COPB1: variants seen among roughly 807,000 people sequenced by gnomAD.
COPB1 encodes coat protein complex I subunit beta 1, also known as coatomer subunit beta.
In COPB1, 21 loss-of-function variants were observed where a neutral mutation model predicts 108.7. The observed-to-expected ratio is 0.19, with a 90% CI of 0.14 to 0.28. COPB1 has a LOEUF of 0.28. COPB1 is among the 10% of genes least tolerant of loss of function. The pLI, the probability that COPB1 is intolerant of heterozygous loss-of-function variation, is 1.00. For missense variants in COPB1, 919 were observed against 1,141.3 expected (o/e 0.81, Z 2.81); for synonymous variants, 378 against 386.8 (o/e 0.98, Z 0.27).
Position 14,480,843 on chromosome 11 carries a change from A to G in COPB1, c.1128T>C (p.Thr376=), listed in dbSNP as rs1850645598. The change falls in exon 10 of 22, where the codon ACT becomes ACC. Residue 376 remains threonine (T), a synonymous_variant. Transcript: ENST00000439561. ...GCACTAGGAGTTGTCTGTATTTGTCAGTATCTTCATGCTCAGACACATTAT... is the reference window on the plus strand; with the variant it reads ...GCACTAGGAGTTGTCTGTATTTGTCGGTATCTTCATGCTCAGACACATTAT... ...KTNNVSEHED[T]DKYRQLLVRT... 6.8e-6 allele frequency: 11 copies of G among 1,613,796 alleles called. No homozygotes were observed. Among genetic ancestry groups the G allele is most frequent in the Non-Finnish European group, 9.3e-6 (11 of 1,179,780 alleles).
At chr11:14,461,366 T>G in intron 18 of COPB1, 35 bp from the exon 19 acceptor site, 1 of 1,600,372 alleles carries the variant, frequency 6.2e-7, no homozygotes, top group Non-Finnish European at 8.5e-7. Context: ...TCGCAATCAC[T>G]GGGGCAAACT....
intron 16 of COPB1, among the ~76,000 whole-genome samples, chr11:14,466,818 C>G (rs1210859712): frequency 6.6e-6 from 1 of 152,152 alleles, no homozygotes; most frequent in Non-Finnish European, 1.5e-5. Flanking sequence ...TCTAAACTCA[C>G]TACTTGATCT....
intron 14 of COPB1, 138 bp downstream of exon 14, chr11:14,474,357 G>A (rs1850470705): frequency 1.5e-6 from 1 of 669,058 alleles, no homozygotes; most frequent in Non-Finnish European, 2.4e-6. Context: ...ATATATTACT[G>A]TGTCCACTTC....
At chr11:14,476,784 AT>A in intron 12 of COPB1, 134 bp downstream of exon 12, 1 of 507,038 alleles carries the variant, frequency 2.0e-6, no homozygotes, top group Non-Finnish European at 3.4e-6. Flanking sequence ...TTTTTTTTTA[AT>A]AAACACAGAA....
chr11:14,493,259 A>G (rs1186379258), intron 4 of COPB1, among the ~76,000 whole-genome samples: 1 of 152,244 alleles, frequency 6.6e-6, no homozygotes, highest in Non-Finnish European at 1.5e-5. Context: ...AGCTTCTGAC[A>G]GTAAAAAGAC....
Position 14,486,378 on chromosome 11 carries a change from T to G in COPB1, c.826A>C (p.Thr276Pro). Residue 276 changes from threonine to proline, a missense_variant, in exon 7 of 22, where the codon ACT (threonine) becomes CCT (proline). Transcript: ENST00000439561. ...GTLVTLSSAP[T>P]AIKAAAQCYI... is the part of the protein sequence containing the mutation. ...GAAATACACAGTACCTTGATTGCAG[T>G]TGGTGCACTAGAGAGTGTCACTAAT... 6.2e-7 allele frequency: 1 copy of G among 1,614,122 alleles called. No homozygotes were observed. Among genetic ancestry groups the G allele is most frequent in the Non-Finnish European group, 8.5e-7 (1 of 1,179,990 alleles).
rs781273804 is a variant in COPB1 at position 14,493,698 on chromosome 11, C to A, written c.435G>T (p.Glu145Asp). The A allele has an allele frequency of 1.2e-6, 2 of 1,613,500 alleles. No homozygotes were observed. The highest frequency in any genetic ancestry group is 1.7e-6 in the Non-Finnish European group (2 of 1,179,858). The change falls in exon 4 of 22, where the codon GAG becomes GAT. Residue 145 changes from glutamate to aspartate, a missense_variant. Physicochemically the swap from Glu to Asp is conservative, Grantham distance 45. This residue lies in a region of COPB1 where 78 missense variants were observed against 95.4 expected (regional missense o/e 0.82). Coordinates refer to ENST00000439561, the MANE Select transcript of COPB1 (RefSeq NM_001144061.2). Reference sequence around the variant, plus strand: ...TTCTTCTAACATAGCTGTGTCGATGCTCCAAACATGCACGAATAGCTGGCA... The same window carrying A: ...TTCTTCTAACATAGCTGTGTCGATGATCCAAACATGCACGAATAGCTGGCA... ...PLMPAIRACLEHRHSYVRRNA... is the reference protein window; with the variant it reads ...PLMPAIRACLDHRHSYVRRNA...
intron 2 of COPB1, among the ~76,000 whole-genome samples, chr11:14,495,106 T>G (rs541030566): frequency 1.3e-5 from 2 of 152,362 alleles, no homozygotes; most frequent in Admixed American, 6.5e-5. Flanking sequence ...AATGCTAGTT[T>G]ACTGTTATTT....
Position 14,498,929 on chromosome 11 carries a change from G to A in COPB1, c.-1C>T. The A allele has an allele frequency of 6.2e-7, 1 of 1,604,082 alleles. No homozygotes were observed. Among genetic ancestry groups the A allele is most frequent in the South Asian group, 1.1e-5 (1 of 88,064 alleles). On this transcript the variant is annotated 5_prime_UTR_variant, in exon 2 of 22. Coordinates refer to ENST00000439561, the MANE Select transcript of COPB1 (RefSeq NM_001144061.2). ...AGCATACGTTCTCAGCCGCCGTCAT[G>A]GTTTCTGGTTATATTATAACCAATC...
intron 2 of COPB1, among the ~76,000 whole-genome samples, chr11:14,497,813 G>A (rs574938452): frequency 6.6e-6 from 1 of 152,244 alleles, no homozygotes; most frequent in South Asian, 2.1e-4. Flanking sequence ...ACAGATAAAT[G>A]TATAAAGAAA....
intron 17 of COPB1, among the ~76,000 whole-genome samples, chr11:14,465,591 C>T (rs1850266195): frequency 6.6e-6 from 1 of 152,140 alleles, no homozygotes; most frequent in Non-Finnish European, 1.5e-5. Context: ...CTATATACTT[C>T]ATTATGAAGA....
intron 7 of COPB1, among the ~76,000 whole-genome samples, chr11:14,483,465 A>C (rs1028382244): frequency 6.6e-6 from 1 of 152,182 alleles, no homozygotes; most frequent in Admixed American, 6.5e-5. Context: ...GGTTAAAACT[A>C]AGGAACAAGC....
intron 14 of COPB1, among the ~76,000 whole-genome samples, chr11:14,470,960 C>T (rs1313277781): frequency 1.1e-5 from 1 of 93,066 alleles, no homozygotes; most frequent in Non-Finnish European, 2.0e-5. Flanking sequence ...TCTCTCTCTA[C>T]ACCCAGGGAG....
intron 11 of COPB1, among the ~76,000 whole-genome samples, chr11:14,478,025 A>C (rs7951608): frequency 2.6e-5 from 4 of 151,976 alleles, no homozygotes; most frequent in Non-Finnish European, 4.4e-5. Flanking sequence ...AAAACAAAAA[A>C]CAAAAACCAA....
intron 13 of COPB1, among the ~76,000 whole-genome samples, 157 bp from the exon 14 acceptor site, chr11:14,474,772 A>C (rs1487869279): frequency 6.6e-6 from 1 of 152,170 alleles, no homozygotes; most frequent in East Asian, 1.9e-4. Context: ...CAGAAGAAAG[A>C]AGGAAAAAGA....
At chr11:14,493,298 A>G (rs1850948974) in intron 4 of COPB1, among the ~76,000 whole-genome samples, 1 of 152,220 alleles carries the variant, frequency 6.6e-6, no homozygotes, top group African/African-American at 2.4e-5. Context: ...ATTCTAAAAC[A>G]AGGACCAAAG....
chr11:14,487,766 C>G (rs1478633722), intron 6 of COPB1, among the ~76,000 whole-genome samples: 1 of 152,072 alleles, frequency 6.6e-6, no homozygotes, highest in African/African-American at 2.4e-5. Flanking sequence ...CTACTGGTAC[C>G]TTGTGTTAAG....
chr11:14,489,981 C>CTGAATCTTTTTTT (rs1850859443), intron 5 of COPB1, among the ~76,000 whole-genome samples: 1 of 152,132 alleles, frequency 6.6e-6, no homozygotes, highest in Non-Finnish European at 1.5e-5. Context: ...TGGAAGGCCT[C>CTGAATCTTTTTTT]CATATTTTTC....
At chr11:14,490,523 C>A (rs2134124552) in intron 5 of COPB1, 42 bp downstream of exon 5, 2 of 1,139,162 alleles carry the variant, frequency 1.8e-6, no homozygotes, top group South Asian at 1.4e-5. Flanking sequence ...TCAATTGTCA[C>A]TTAAATACAG....
Sources: allele counts gnomAD v4.1 joint callset (sites outside exome capture counted in the v4.1 genomes callset), GRCh38; gene constraint gnomAD v4.1.1; regional missense constraint gnomAD v4.1.1; transcripts MANE v1.5; gene names NCBI Gene and HGNC (gene_info 2026-07-23, HGNC 2026-07-21).